Variants in TNFSF4 observed in about 807,000 individuals in gnomAD.
The protein encoded by TNFSF4 is TNF superfamily member 4.
A neutral mutation model predicts 7.3 loss-of-function variants in TNFSF4; 4 were observed. The observed-to-expected ratio is 0.55, with a 90% CI of 0.27 to 1.25. The LOEUF is 1.25. Ranked by LOEUF, TNFSF4 falls within the 50% of genes most tolerant of loss-of-function variation. The pLI is 0.12. For missense variants in TNFSF4, 181 were observed against 208.8 expected (o/e 0.87, Z 0.82); for synonymous variants, 76 against 83.7 (o/e 0.91, Z 0.50).
the TNFSF4 span, among the ~76,000 whole-genome samples, chr1:173,222,700 T>C: frequency 2.0e-5 from 3 of 152,114 alleles, no homozygotes; most frequent in Non-Finnish European, 2.9e-5. Context: ...GAAAAATGAG[T>C]GCCCACTAAG....
chr1:173,438,069 A>C, the TNFSF4 span, among the ~76,000 whole-genome samples: 5 of 152,220 alleles, frequency 3.3e-5, no homozygotes, highest in Admixed American at 2.0e-4. Context: ...CCATTCAGAA[A>C]CATGGTATGT....
chr1:173,365,290 C>T, the TNFSF4 span, among the ~76,000 whole-genome samples: 1 of 152,100 alleles, frequency 6.6e-6, no homozygotes, highest in African/African-American at 2.4e-5. Flanking sequence ...GCTCTTTTAA[C>T]AAGAATTTTG....
At chr1:173,312,456 G>T in the TNFSF4 span, among the ~76,000 whole-genome samples, 1 of 151,558 alleles carries the variant, frequency 6.6e-6, no homozygotes, top group East Asian at 1.9e-4. Flanking sequence ...GATCAATGTG[G>T]GGCTTAAGAT....
chr1:173,230,244 G>T, the TNFSF4 span, among the ~76,000 whole-genome samples: 5 of 152,180 alleles, frequency 3.3e-5, no homozygotes, highest in Admixed American at 3.3e-4. Context: ...AGACCACAGT[G>T]CAATCAAATT....
At chr1:173,416,746 G>A in the TNFSF4 span, among the ~76,000 whole-genome samples, 17 of 151,774 alleles carry the variant, frequency 1.1e-4, no homozygotes, top group Non-Finnish European at 1.6e-4. Context: ...ACAGATGTGC[G>A]CCAGCATGCC....
chr1:173,314,141 T>C, the TNFSF4 span, among the ~76,000 whole-genome samples: 1 of 152,164 alleles, frequency 6.6e-6, no homozygotes, highest in African/African-American at 2.4e-5. Context: ...AAAATCTATA[T>C]GATTTCCATC....
the TNFSF4 span, among the ~76,000 whole-genome samples, chr1:173,342,098 A>AG: frequency 6.6e-6 from 1 of 152,146 alleles, no homozygotes; most frequent in African/African-American, 2.4e-5. Flanking sequence ...TCCTACTGCA[A>AG]GGGGGGAGGG....
At chr1:173,318,538 A>G in the TNFSF4 span, among the ~76,000 whole-genome samples, 1 of 152,180 alleles carries the variant, frequency 6.6e-6, no homozygotes, top group African/African-American at 2.4e-5. Flanking sequence ...AATTCAAATG[A>G]TCAACAAAAT....
At chr1:173,289,690 G>A in the TNFSF4 span, among the ~76,000 whole-genome samples, 1 of 151,976 alleles carries the variant, frequency 6.6e-6, no homozygotes, top group Non-Finnish European at 1.5e-5. Flanking sequence ...TAAAATAGAC[G>A]ATTAAAAGAA....
At chr1:173,381,025 T>C in the TNFSF4 span, among the ~76,000 whole-genome samples, 1 of 152,156 alleles carries the variant, frequency 6.6e-6, no homozygotes, top group Admixed American at 6.6e-5. Context: ...CTCAAGTCTG[T>C]CAGCGCAAAG....
the TNFSF4 span, chr1:173,351,850 C>A: frequency 1.7e-6 from 1 of 600,652 alleles, no homozygotes. Context: ...GCCAATGGCA[C>A]AACTGTCCAT....
At chr1:173,370,790 C>T in the TNFSF4 span, among the ~76,000 whole-genome samples, 1 of 147,068 alleles carries the variant, frequency 6.8e-6, no homozygotes, top group African/African-American at 2.5e-5. Context: ...GAGAAAGGCC[C>T]TTAGTCATGG....
rs1649140129 is a variant in TNFSF4, at chr1:173,184,521, A to G, written c.*1995T>C. On this transcript the variant is annotated 3_prime_UTR_variant, in exon 3 of 3. Transcript: ENST00000281834. ...ATCAAAGACAAACAACACACACAAC[A>G]TATACTTAGGCCTGCATGTGCACTG... 1 of 146,822 alleles carries G rather than the reference A, an allele frequency of 6.8e-6. No individual in the cohort carries two copies. The highest frequency in any genetic ancestry group is 1.5e-5 in the Non-Finnish European group (1 of 65,566). The allele number at this position is 146,822 out of a possible 1,614,324, so 9.1% of individuals were successfully genotyped here.
At chr1:173,319,518 C>T in the TNFSF4 span, among the ~76,000 whole-genome samples, 2 of 152,334 alleles carry the variant, frequency 1.3e-5, no homozygotes, top group African/African-American at 4.8e-5. Flanking sequence ...AAGGGACAGA[C>T]TGCCTCCTCA....
At chr1:173,289,924 G>A in the TNFSF4 span, among the ~76,000 whole-genome samples, 1 of 145,232 alleles carries the variant, frequency 6.9e-6, no homozygotes, top group African/African-American at 2.6e-5. Context: ...TGGAGTTCCA[G>A]AAGGAGAAGA....
upstream of TNFSF4, chr1:173,207,353 C>CAG (rs780980248): frequency 1.6e-4 from 76 of 490,032 alleles, no homozygotes; most frequent in Non-Finnish European, 2.5e-4. Context: ...CGGACTCTCT[C>CAG]AGTTTTAACG....
the TNFSF4 span, among the ~76,000 whole-genome samples, chr1:173,424,700 T>TA: frequency 1.2e-4 from 18 of 152,198 alleles, no homozygotes; most frequent in Non-Finnish European, 2.5e-4. Context: ...GAATTTGGTT[T>TA]TACTGCAACA....
At chr1:173,405,430 C>A in the TNFSF4 span, among the ~76,000 whole-genome samples, 1 of 152,202 alleles carries the variant, frequency 6.6e-6, no homozygotes, top group East Asian at 1.9e-4. Context: ...CATAAACAGG[C>A]AGCAGGCTGG....
chr1:173,410,016 GC>G, the TNFSF4 span, among the ~76,000 whole-genome samples: 2 of 152,144 alleles, frequency 1.3e-5, no homozygotes, highest in Non-Finnish European at 1.5e-5. Context: ...TACAATCCCA[GC>G]AATTTGGAAG....
Sources: gnomAD v4.1 joint callset for allele counts (sites outside exome capture counted in the v4.1 genomes callset) on GRCh38, gnomAD v4.1.1 for gene constraint, MANE v1.5 for transcripts, NCBI Gene and HGNC (gene_info 2026-07-23, HGNC 2026-07-21) for gene names.